The following SMAGP variants were observed in gnomAD, a reference collection of about 807,000 sequenced individuals.
SMAGP encodes small cell transmembrane and glycosylated protein.
Under a neutral mutation model 10.1 loss-of-function variants are expected in SMAGP, and 7 were observed. The observed-to-expected ratio is 0.70, with a 90% CI of 0.40 to 1.31. SMAGP has a LOEUF of 1.31. SMAGP is among the 50% of genes most tolerant of loss of function. The pLI, the probability that SMAGP is intolerant of heterozygous loss-of-function variation, is 0.01. For synonymous variants in SMAGP, 49 were observed against 47.2 expected (o/e 1.04, Z -0.16); for missense variants, 113 against 116.5 (o/e 0.97, Z 0.14).
chr12:51,267,462 C>T (rs2137312693), intron 2 of SMAGP, among the ~76,000 whole-genome samples: 1 of 150,246 alleles, frequency 6.7e-6, no homozygotes, highest in Non-Finnish European at 1.5e-5. Context: ...CTTTGCTGAC[C>T]TATTCCCCCC....
intron 2 of SMAGP, 61 bp from the exon 3 acceptor site, chr12:51,246,892 G>T: frequency 1.5e-6 from 2 of 1,335,762 alleles, no homozygotes. Flanking sequence ...GAAAGCATAT[G>T]TTTGGCCTTC....
At chr12:51,261,640 G>T (rs1944933405) in intron 2 of SMAGP, among the ~76,000 whole-genome samples, 1 of 152,120 alleles carries the variant, frequency 6.6e-6, no homozygotes, top group Non-Finnish European at 1.5e-5. Context: ...GGACAGAATG[G>T]TTAGTTGAAC....
Position 51,267,471 on chromosome 12 carries a change from C to G in SMAGP, c.34+1774G>C, listed in dbSNP as rs7955322. Among the ~76,000 whole-genome samples the G allele has an allele frequency of 4.7e-3, 693 of 146,848 alleles. 10 individuals are homozygous for G. Among genetic ancestry groups the G allele is most frequent in the African/African-American group, 0.016 (655 of 40,018 alleles). On this transcript the variant is annotated intron_variant, in intron 2 of 3. Transcript: ENST00000603798. ...TGAAGCCTTTGCTGACCTATTCCCC[C>G]CCCCCACTCCGTGTCCCCCTAACTC... is the stretch of plus-strand genomic sequence containing the variant.
intron 2 of SMAGP, among the ~76,000 whole-genome samples, chr12:51,255,015 A>T (rs1944873189): frequency 6.6e-6 from 1 of 151,966 alleles, no homozygotes; most frequent in African/African-American, 2.4e-5. Context: ...GCAGAGACTG[A>T]TCAGATTTTT....
At chr12:51,261,111 T>C (rs796396790) in intron 2 of SMAGP, among the ~76,000 whole-genome samples, 2 of 146,446 alleles carry the variant, frequency 1.4e-5, no homozygotes, top group East Asian at 4.0e-4. Context: ...TTTTTTTTTT[T>C]CTGAGACGGA....
chr12:51,255,865 G>A (rs897263699), intron 2 of SMAGP, among the ~76,000 whole-genome samples: 1 of 151,982 alleles, frequency 6.6e-6, no homozygotes, highest in Non-Finnish European at 1.5e-5. Flanking sequence ...TCCGCCTCCC[G>A]GGTTCACGCA....
chr12:51,266,030 T>C (rs1220589253), intron 2 of SMAGP, among the ~76,000 whole-genome samples: 1 of 151,258 alleles, frequency 6.6e-6, no homozygotes, highest in African/African-American at 2.4e-5. Flanking sequence ...TGCAGTGAGC[T>C]GAGATGGCGC....
At chr12:51,253,411 G>A (rs374445647) in intron 2 of SMAGP, among the ~76,000 whole-genome samples, 3 of 152,060 alleles carry the variant, frequency 2.0e-5, no homozygotes, top group African/African-American at 7.2e-5. Context: ...GTATGATCCC[G>A]CAATCCCACT....
chr12:51,246,603 GCT>G (rs1491357588), intron 3 of SMAGP, 146 bp downstream of exon 3: 2 of 344,730 alleles, frequency 5.8e-6, no homozygotes, highest in Admixed American at 7.5e-5. Context: ...GTCTTTTATG[GCT>G]GTGTGTGTGT....
At chr12:51,257,970 A>C in intron 2 of SMAGP, among the ~76,000 whole-genome samples, 1 of 152,140 alleles carries the variant, frequency 6.6e-6, no homozygotes, top group South Asian at 2.1e-4. Flanking sequence ...AGAGCAACAT[A>C]GTGAGACCTC....
At chr12:51,247,210 C>A (rs1420420760) in intron 2 of SMAGP, among the ~76,000 whole-genome samples, 1 of 150,200 alleles carries the variant, frequency 6.7e-6, no homozygotes, top group African/African-American at 2.5e-5. Flanking sequence ...TTTAATAAGT[C>A]ACTCAGTAGG....
intron 2 of SMAGP, among the ~76,000 whole-genome samples, chr12:51,268,226 T>C (rs1475421831): frequency 6.6e-6 from 1 of 152,002 alleles, no homozygotes; most frequent in Non-Finnish European, 1.5e-5. Flanking sequence ...AAAGATGGGT[T>C]TCTAACAAGT....
At chr12:51,249,199 C>G (rs1359849500) in intron 2 of SMAGP, among the ~76,000 whole-genome samples, 1 of 152,230 alleles carries the variant, frequency 6.6e-6, no homozygotes, top group Non-Finnish European at 1.5e-5. Flanking sequence ...TCACCCTACA[C>G]ATGTCCTCAT....
At chr12:51,249,264 A>G (rs2137296732) in intron 2 of SMAGP, among the ~76,000 whole-genome samples, 1 of 152,236 alleles carries the variant, frequency 6.6e-6, no homozygotes, top group Non-Finnish European at 1.5e-5. Context: ...TGTTTCCCTG[A>G]GTTCTGTGAG....
At chr12:51,253,027 G>A (rs1003796287) in intron 2 of SMAGP, among the ~76,000 whole-genome samples, 3 of 152,124 alleles carry the variant, frequency 2.0e-5, no homozygotes, top group Non-Finnish European at 2.9e-5. Flanking sequence ...AAGGGGTCGG[G>A]AACCTGAAGG....
chr12:51,269,188 G>C (rs535805859), intron 2 of SMAGP, 57 bp downstream of exon 2: 1 of 1,599,404 alleles, frequency 6.3e-7, no homozygotes, highest in African/African-American at 1.3e-5. Context: ...GACTGGTCTG[G>C]GGAAGGGGAT....
intron 2 of SMAGP, 108 bp from the exon 3 acceptor site, chr12:51,246,939 T>C (rs1944781821): frequency 8.6e-6 from 6 of 700,358 alleles, no homozygotes; most frequent in Non-Finnish European, 2.3e-6. Context: ...TATTCAAAAG[T>C]TTATCATTTA....
chr12:51,268,859 T>C (rs1243486556), intron 2 of SMAGP, among the ~76,000 whole-genome samples: 2 of 152,006 alleles, frequency 1.3e-5, no homozygotes, highest in South Asian at 2.1e-4. Flanking sequence ...CTGCTGGCAT[T>C]ACAAGCATGA....
At chr12:51,254,913 G>A (rs973701559) in intron 2 of SMAGP, among the ~76,000 whole-genome samples, 2 of 152,348 alleles carry the variant, frequency 1.3e-5, no homozygotes, top group African/African-American at 4.8e-5. Context: ...GAGGAGCAGA[G>A]AAAGTCAAGG....
Sources: allele counts gnomAD v4.1 joint callset (sites outside exome capture counted in the v4.1 genomes callset), GRCh38; gene constraint gnomAD v4.1.1; transcripts MANE v1.5; gene names NCBI Gene and HGNC (gene_info 2026-07-23, HGNC 2026-07-21).